The following GYS2 variants were observed in gnomAD, a reference collection of about 807,000 sequenced individuals.
GYS2 encodes the protein glycogen [starch] synthase, liver.
GYS2 carries 80 observed loss-of-function variants against 85.6 expected under a neutral mutation model. The observed-to-expected ratio is 0.93, with a 90% CI of 0.78 to 1.13. The LOEUF is 1.13. Ranked by LOEUF, GYS2 falls within the 50% of genes most tolerant of loss-of-function variation. GYS2 has a pLI of 0.00. For synonymous variants in GYS2, 328 were observed against 300.7 expected (o/e 1.09, Z -0.94); for missense variants, 881 against 854.9 (o/e 1.03, Z -0.38).
chr12:21,537,098 G>C lies in GYS2; in HGVS notation c.1968C>G (p.Ser656Arg), dbSNP rs757471144. The stretch of plus-strand genomic sequence containing the variant: ...CCTCCACTTCATCTTCCACATCACT[G>C]CTCTGAGGACTGGAGGCCTGAGACC... ...PSGSQASSPQ[S>R]SDVEDEVEDE... Residue 656 changes from serine to arginine, a missense_variant, in exon 16 of 16, where the codon AGC (serine) becomes AGG (arginine). Transcript: ENST00000261195. 6.2e-7 allele frequency: 1 copy of C among 1,613,604 alleles called. No homozygotes were observed. The highest frequency in any genetic ancestry group is 8.5e-7 in the Non-Finnish European group (1 of 1,179,728).
chr12:21,592,688 T>C (rs1380168550), intron 1 of GYS2, among the ~76,000 whole-genome samples: 2 of 152,008 alleles, frequency 1.3e-5, no homozygotes, highest in African/African-American at 4.8e-5. Context: ...ACAATAATAG[T>C]TGGGGATTTC....
intron 5 of GYS2, 37 bp downstream of exon 5, chr12:21,568,828 G>A: frequency 1.3e-6 from 2 of 1,577,594 alleles, no homozygotes; most frequent in Non-Finnish European, 1.7e-6. Flanking sequence ...AACATCATTC[G>A]GAACTGAAAG....
At chr12:21,551,648 G>T (rs1303566595) in intron 11 of GYS2, among the ~76,000 whole-genome samples, 2 of 152,024 alleles carry the variant, frequency 1.3e-5, no homozygotes, top group African/African-American at 4.8e-5. Flanking sequence ...AGAATAAAAT[G>T]ATATGCAAAC....
At chr12:21,602,044 T>A (rs1474273182) in intron 1 of GYS2, among the ~76,000 whole-genome samples, 1 of 152,122 alleles carries the variant, frequency 6.6e-6, no homozygotes, top group Non-Finnish European at 1.5e-5. Context: ...AACCTTTTGT[T>A]TTCTTGGATG....
chr12:21,585,483 G>A (rs935758649), intron 1 of GYS2, among the ~76,000 whole-genome samples: 2 of 150,456 alleles, frequency 1.3e-5, no homozygotes, highest in African/African-American at 2.4e-5. Flanking sequence ...ACCATGTCCT[G>A]GAATTAAGGT....
intron 11 of GYS2, among the ~76,000 whole-genome samples, chr12:21,549,439 G>T (rs539791795): frequency 6.6e-6 from 1 of 152,276 alleles, no homozygotes; most frequent in East Asian, 1.9e-4. Context: ...TAAAAGTCAG[G>T]AAATTAACAT....
chr12:21,597,459 C>T (rs1944709095), intron 1 of GYS2, among the ~76,000 whole-genome samples: 1 of 152,048 alleles, frequency 6.6e-6, no homozygotes, highest in Non-Finnish European at 1.5e-5. Flanking sequence ...CATTACTAAT[C>T]ATCAGAGAAA....
chr12:21,553,982 GTCT>G (rs985102332), intron 11 of GYS2, among the ~76,000 whole-genome samples: 12 of 152,162 alleles, frequency 7.9e-5, no homozygotes, highest in Non-Finnish European at 1.5e-4. Flanking sequence ...ATGTTGAGTG[GTCT>G]TCGACCACTG....
chr12:21,591,487 T>G (rs940160618), intron 1 of GYS2, among the ~76,000 whole-genome samples: 2 of 152,062 alleles, frequency 1.3e-5, no homozygotes, highest in Non-Finnish European at 2.9e-5. Flanking sequence ...GTATGTGACA[T>G]ATGAGGCACT....
chr12:21,544,739 G>A (rs901256245), intron 12 of GYS2, among the ~76,000 whole-genome samples: 23 of 152,130 alleles, frequency 1.5e-4, no homozygotes, highest in African/African-American at 4.8e-4. Flanking sequence ...AGAGATACCC[G>A]GAAGAGTTAG....
At chr12:21,551,561 C>G (rs1171635318) in intron 11 of GYS2, among the ~76,000 whole-genome samples, 2 of 151,396 alleles carry the variant, frequency 1.3e-5, no homozygotes, top group African/African-American at 4.8e-5. Flanking sequence ...GAGAGATTTA[C>G]CCCTTGGATC....
chr12:21,555,820 C>T (rs1369055183), intron 11 of GYS2, among the ~76,000 whole-genome samples: 1 of 152,156 alleles, frequency 6.6e-6, no homozygotes, highest in African/African-American at 2.4e-5. Flanking sequence ...TCTTCCCTGG[C>T]AATACTCATT....
intron 2 of GYS2, among the ~76,000 whole-genome samples, chr12:21,577,570 GC>G (rs1281940621): frequency 6.6e-6 from 1 of 152,096 alleles, no homozygotes; most frequent in African/African-American, 2.4e-5. Context: ...AGTACAATAG[GC>G]ATTGTTCTAT....
chr12:21,549,448 A>G (rs576440192), intron 11 of GYS2, among the ~76,000 whole-genome samples: 1 of 152,318 alleles, frequency 6.6e-6, no homozygotes, highest in African/African-American at 2.4e-5. Context: ...GGAAATTAAC[A>G]TTGATGCATC....
intron 4 of GYS2, among the ~76,000 whole-genome samples, chr12:21,573,626 A>G (rs1231098853): frequency 6.6e-6 from 1 of 152,210 alleles, no homozygotes; most frequent in Non-Finnish European, 1.5e-5. Context: ...TGATCCCACA[A>G]AAATGCCCCC....
chr12:21,573,949 T>C (rs976198239), intron 4 of GYS2, among the ~76,000 whole-genome samples, 195 bp downstream of exon 4: 14 of 152,200 alleles, frequency 9.2e-5, no homozygotes, highest in Non-Finnish European at 4.4e-5. Context: ...CTCTATACTC[T>C]AGTGTACTCT....
chr12:21,537,405 T>C, intron 15 of GYS2: 1 of 552,520 alleles, frequency 1.8e-6, no homozygotes, highest in South Asian at 2.2e-5. Context: ...GTTATATACA[T>C]ATTATTATCA....
At chr12:21,603,000 G>T (rs1365703224) in intron 1 of GYS2, among the ~76,000 whole-genome samples, 1 of 152,018 alleles carries the variant, frequency 6.6e-6, no homozygotes, top group African/African-American at 2.4e-5. Context: ...ACTCTCTAGA[G>T]AAAACTTTTA....
At chr12:21,602,449 A>G (rs1199572755) in intron 1 of GYS2, among the ~76,000 whole-genome samples, 1 of 152,096 alleles carries the variant, frequency 6.6e-6, no homozygotes, top group East Asian at 1.9e-4. Context: ...TCAAATCATT[A>G]AATTTAAAGA....
Sources: allele counts gnomAD v4.1 joint callset (sites outside exome capture counted in the v4.1 genomes callset), GRCh38; gene constraint gnomAD v4.1.1; transcripts MANE v1.5; gene names NCBI Gene and HGNC (gene_info 2026-07-23, HGNC 2026-07-21).